Variants in LRMDA observed in about 807,000 individuals in gnomAD.
LRMDA encodes the protein leucine-rich melanocyte differentiation-associated protein.
In LRMDA, 18 loss-of-function variants were observed where a neutral mutation model predicts 29.8. The ratio of observed to expected loss-of-function variants is 0.60; its 90% CI spans 0.42 to 0.90. The LOEUF is 0.90. LRMDA is among the 40% of genes least tolerant of loss of function. The pLI, the probability that LRMDA is intolerant of heterozygous loss-of-function variation, is 0.00. For missense variants in LRMDA, 273 were observed against 273.9 expected (o/e 1.00, Z 0.02); for synonymous variants, 125 against 109.4 (o/e 1.14, Z -0.89).
intron 5 of LRMDA, among the ~76,000 whole-genome samples, chr10:76,134,140 TA>T (rs1850050721): frequency 6.6e-6 from 1 of 152,190 alleles, no homozygotes; most frequent in African/African-American, 2.4e-5. Context: ...CAACCACTCC[TA>T]AGGCAGGGTT....
At chr10:75,460,124 A>G (rs1844567575) in intron 2 of LRMDA, among the ~76,000 whole-genome samples, 1 of 152,196 alleles carries the variant, frequency 6.6e-6, no homozygotes, top group Non-Finnish European at 1.5e-5. Flanking sequence ...CAATACACTC[A>G]GTTAAGTATT....
intron 6 of LRMDA, chr10:76,433,737 A>G (rs1842215956): frequency 6.6e-6 from 1 of 152,304 alleles, no homozygotes; most frequent in African/African-American, 2.4e-5. Context: ...AGATTGCTCC[A>G]GCCTGTTCTT....
chr10:75,737,480 G>A (rs923740111), intron 2 of LRMDA, among the ~76,000 whole-genome samples: 1 of 152,228 alleles, frequency 6.6e-6, no homozygotes, highest in East Asian at 1.9e-4. Context: ...GCAGGTTGCA[G>A]TACCATCATC....
chr10:75,796,543 C>A (rs1843656830), intron 2 of LRMDA, among the ~76,000 whole-genome samples: 2 of 152,128 alleles, frequency 1.3e-5, no homozygotes, highest in African/African-American at 2.4e-5. Context: ...ATGTGTTATC[C>A]TTTTTGTATA....
At chr10:75,522,143 T>G (rs1845368683) in intron 2 of LRMDA, among the ~76,000 whole-genome samples, 1 of 152,252 alleles carries the variant, frequency 6.6e-6, no homozygotes, top group African/African-American at 2.4e-5. Flanking sequence ...CGCTGTTCTA[T>G]GCCCTTCACA....
intron 2 of LRMDA, among the ~76,000 whole-genome samples, chr10:75,770,466 A>G (rs1041504363): frequency 6.6e-5 from 10 of 152,218 alleles, no homozygotes; most frequent in Admixed American, 5.9e-4. Flanking sequence ...TTGTATATGC[A>G]CACAGTTAAA....
chr10:75,766,811 G>A (rs1843175057), intron 2 of LRMDA, among the ~76,000 whole-genome samples: 1 of 151,638 alleles, frequency 6.6e-6, no homozygotes, highest in Non-Finnish European at 1.5e-5. Context: ...ATTCCAAGAC[G>A]GGCCCCGGTG....
At chr10:75,440,251 G>A (rs1011280017) in intron 2 of LRMDA, among the ~76,000 whole-genome samples, 1 of 147,924 alleles carries the variant, frequency 6.8e-6, no homozygotes, top group African/African-American at 2.5e-5. Flanking sequence ...TTTCGTAAGG[G>A]GGTGGCTGAA....
At chr10:75,791,884 G>A (rs1016721159) in intron 2 of LRMDA, among the ~76,000 whole-genome samples, 2 of 139,618 alleles carry the variant, frequency 1.4e-5, no homozygotes, top group Admixed American at 7.5e-5. Flanking sequence ...TTTTGAGATG[G>A]AGTCTCACTC....
intron 2 of LRMDA, among the ~76,000 whole-genome samples, chr10:75,879,412 G>A (rs1003229396): frequency 2.0e-5 from 3 of 152,168 alleles, no homozygotes; most frequent in African/African-American, 4.8e-5. Flanking sequence ...CAACCGCCTT[G>A]AGCCCTGGAA....
intron 2 of LRMDA, among the ~76,000 whole-genome samples, chr10:75,753,781 A>G (rs1842994206): frequency 6.6e-6 from 1 of 152,236 alleles, no homozygotes; most frequent in Non-Finnish European, 1.5e-5. Context: ...GTTAGAAATG[A>G]GGCAGGCAAG....
chr10:76,477,395 TAAAAG>T (rs1215870921), intron 6 of LRMDA, among the ~76,000 whole-genome samples: 42 of 151,882 alleles, frequency 2.8e-4, no homozygotes, highest in Non-Finnish European at 5.4e-4. Context: ...CTCAACAAAA[TAAAAG>T]AGGAGACAAA....
At chr10:76,073,388 A>G (rs1414309194) in intron 5 of LRMDA, among the ~76,000 whole-genome samples, 1 of 152,080 alleles carries the variant, frequency 6.6e-6, no homozygotes, top group Non-Finnish European at 1.5e-5. Flanking sequence ...TTTACTTTTT[A>G]CTTAAAATTT....
chr10:76,312,093 C>A lies in LRMDA; in HGVS notation c.517-12308C>A, dbSNP rs115213285. 5.4e-3 allele frequency among the ~76,000 whole-genome samples: 820 copies of A among 152,272 alleles called. 6 individuals are homozygous for A. Among genetic ancestry groups the A allele is most frequent in the African/African-American group, 0.019 (790 of 41,540 alleles). On this transcript the variant is annotated intron_variant, in intron 5 of 6. Transcript: ENST00000611255. The stretch of plus-strand genomic sequence containing the variant: ...TTTCCTTGGCTACATGTTTCTCCTG[C>A]TAATGCTAAAAATTTATGGCTGAGC...
At chr10:75,887,543 C>G (rs1191953583) in intron 2 of LRMDA, among the ~76,000 whole-genome samples, 1 of 151,902 alleles carries the variant, frequency 6.6e-6, no homozygotes, top group Non-Finnish European at 1.5e-5. Flanking sequence ...CCTGTTGCTA[C>G]CTTTTTTTTT....
intron 2 of LRMDA, among the ~76,000 whole-genome samples, chr10:75,516,887 G>A (rs977678794): frequency 6.6e-6 from 1 of 152,096 alleles, no homozygotes; most frequent in Non-Finnish European, 1.5e-5. Flanking sequence ...TAAGGTGTAA[G>A]GAAGGGATTC....
intron 2 of LRMDA, among the ~76,000 whole-genome samples, chr10:75,526,873 C>A (rs946872360): frequency 1.9e-4 from 27 of 145,300 alleles, no homozygotes; most frequent in Admixed American, 2.7e-4. Flanking sequence ...AAAAAAAAAA[C>A]AAAACATAAT....
intron 5 of LRMDA, among the ~76,000 whole-genome samples, chr10:76,305,531 C>G (rs868701579): frequency 1.3e-5 from 2 of 152,162 alleles, no homozygotes; most frequent in Non-Finnish European, 2.9e-5. Context: ...GTGACTGAGT[C>G]CCTCTAGACC....
At chr10:76,389,049 G>C (rs1182755898) in intron 6 of LRMDA, among the ~76,000 whole-genome samples, 1 of 152,154 alleles carries the variant, frequency 6.6e-6, no homozygotes, top group Non-Finnish European at 1.5e-5. Context: ...ATAAAGGAAG[G>C]CTCCCTTGAA....
Sources: allele counts gnomAD v4.1 joint callset (sites outside exome capture counted in the v4.1 genomes callset), GRCh38; gene constraint gnomAD v4.1.1; transcripts MANE v1.5; gene names NCBI Gene and HGNC (gene_info 2026-07-23, HGNC 2026-07-21).